Variants in LRP11 observed in about 807,000 individuals in gnomAD.
The protein encoded by LRP11 is low-density lipoprotein receptor-related protein 11.
A neutral mutation model predicts 43.1 loss-of-function variants in LRP11; 25 were observed. The observed-to-expected ratio is 0.58, with a 90% CI of 0.42 to 0.81. The LOEUF (loss-of-function observed/expected upper bound fraction) is 0.81, where lower values mean the gene tolerates loss of function less well. LRP11 is among the 30% of genes least tolerant of loss of function. LRP11 has a pLI of 0.00. For synonymous variants in LRP11, 316 were observed against 299.4 expected, an observed-to-expected ratio of 1.06 and a Z score of -0.57; for missense variants, 623 against 665.1, an observed-to-expected ratio of 0.94 and a Z score of 0.70.
chr6:149,846,660 G>A (rs990917109), intron 2 of LRP11, among the ~76,000 whole-genome samples: 7 of 152,258 alleles, frequency 4.6e-5, no homozygotes, highest in African/African-American at 1.7e-4. Context: ...CCAAGGGGCC[G>A]GGCACAGTGG....
At position 149,863,745 on chromosome 6, in the gene LRP11, CG is replaced by C. The variant is rs1562450395; in HGVS notation, c.275del (p.Pro92ArgfsTer138). On this transcript the variant is annotated frameshift_variant, in exon 1 of 7. Coordinates refer to ENST00000239367, the MANE Select transcript of LRP11 (RefSeq NM_032832.6). LOFTEE classifies it high-confidence loss of function. ...GGGPQEDCPG[P>X]GSGGYSAMPD... ...GCATTGCGCTGTAGCCGCCGCTGCC[CG>C]GGCCCGGGCAGTCCTCCTGGGGGCC... 2 of 1,477,804 alleles carry C rather than the reference CG, an allele frequency of 1.4e-6. No homozygotes were observed. The highest frequency in any genetic ancestry group is 2.3e-5 in the Admixed American group (1 of 43,028). 91.5% of individuals were successfully genotyped at this position (1,477,804 alleles called of 1,614,324 possible).
intron 6 of LRP11, among the ~76,000 whole-genome samples, chr6:149,824,075 A>T (rs1419105270): frequency 6.6e-6 from 1 of 152,208 alleles, no homozygotes; most frequent in African/African-American, 2.4e-5. Flanking sequence ...AGGACAAAAA[A>T]AGAGACTTTG....
rs1776468474 is a variant in LRP11 at position 149,836,155 on chromosome 6, T to C, written c.1182A>G (p.Leu394=). The C allele has an allele frequency of 1.2e-6, 2 of 1,614,060 alleles. No homozygotes were observed. The highest frequency in any genetic ancestry group is 1.7e-6 in the Non-Finnish European group (2 of 1,180,050). ...KATAPNKPPA[L]SNTEKRNHSA... ...AATGATTCCTCTTCTCTGTGTTTGA[T>C]AATGCAGGTGGCTTGTTTGGGGCAG... The change falls in exon 5 of 7, where the codon TTA becomes TTG. Residue 394 remains leucine (L), a synonymous_variant. Coordinates refer to ENST00000239367, the MANE Select transcript of LRP11 (RefSeq NM_032832.6).
rs1457934282 is a variant in LRP11, at chr6:149,826,316, T to C, written c.1296A>G (p.Ile432Met). 1 of 1,613,674 alleles carries C rather than the reference T, an allele frequency of 6.2e-7. No homozygotes were observed. The highest frequency in any genetic ancestry group is 8.5e-7 in the Non-Finnish European group (1 of 1,179,696). ...SGKNRKEESY[I>M]FESKGDGGGG... ...CTCCTCCATCACCCTTTGACTCAAA[T>C]ATATAACTTTCCTCTTTTCTGTTCT... is the stretch of plus-strand genomic sequence containing the variant. The change falls in exon 6 of 7, where the codon ATA (isoleucine) becomes ATG (methionine). Residue 432 changes from isoleucine to methionine, a missense_variant. Coordinates refer to ENST00000239367, the MANE Select transcript of LRP11 (RefSeq NM_032832.6).
rs1463413106 is a variant in LRP11, at chr6:149,863,989, G to A, written c.32C>T (p.Ser11Leu). The change falls in exon 1 of 7, where the codon TCG becomes TTG. Residue 11 changes from serine to leucine, a missense_variant. Transcript: ENST00000239367. MASVAQESAG[S>L]QRRLPPRHGA... ...GTGACGCGGCGGTAGCCGGCGCTGC[G>A]AGCCCGCGCTCTCCTGGGCGACGGA... The A allele has an allele frequency of 3.6e-6, 5 of 1,399,658 alleles. No individual in the cohort carries two copies. The highest frequency in any genetic ancestry group is 1.5e-5 in the South Asian group (1 of 64,664). 86.7% of individuals were successfully genotyped at this position (1,399,658 alleles called of 1,614,324 possible).
At position 149,842,679 on chromosome 6, in the gene LRP11, G is replaced by A. The variant is rs1277414128; in HGVS notation, c.913+304C>T. 6.4e-6 allele frequency: 10 copies of A among 1,550,978 alleles called. No homozygotes were observed. The Admixed American group carries it at 1.4e-4, about 21-fold the overall frequency. On this transcript the variant is annotated intron_variant, in intron 3 of 6. Transcript: ENST00000239367. Reference sequence around the variant, plus strand: ...GATGCAGCAAATGGACCATCCATCTGTAAACAAAGTCCTCTCCCAGAATAG... The same window carrying A: ...GATGCAGCAAATGGACCATCCATCTATAAACAAAGTCCTCTCCCAGAATAG...
intron 3 of LRP11, among the ~76,000 whole-genome samples, chr6:149,840,728 T>C (rs1776533717): frequency 6.6e-6 from 1 of 152,166 alleles, no homozygotes; most frequent in African/African-American, 2.4e-5. Context: ...CCTGTCCAGG[T>C]GAGTCCCGGT....
At chr6:149,828,312 TTTTTA>T (rs1163209356) in intron 5 of LRP11, among the ~76,000 whole-genome samples, 81 of 152,076 alleles carry the variant, frequency 5.3e-4, no homozygotes, top group Non-Finnish European at 1.5e-5. Flanking sequence ...CCATGCAGCT[TTTTTA>T]TTTTATTATA....
At chr6:149,821,827 C>T (rs777900046) in intron 6 of LRP11, among the ~76,000 whole-genome samples, 2 of 152,138 alleles carry the variant, frequency 1.3e-5, no homozygotes, top group Non-Finnish European at 2.9e-5. Context: ...ACCATTTGCT[C>T]TCATTTATTC....
intron 1 of LRP11, among the ~76,000 whole-genome samples, chr6:149,857,635 C>A (rs905405554): frequency 6.6e-6 from 1 of 152,134 alleles, no homozygotes; most frequent in Non-Finnish European, 1.5e-5. Flanking sequence ...GAAATTATGG[C>A]TTAGGCATCA....
chr6:149,856,856 G>A (rs1201305008), intron 1 of LRP11, among the ~76,000 whole-genome samples: 6 of 152,150 alleles, frequency 3.9e-5, no homozygotes, highest in Admixed American at 6.5e-5. Context: ...CAGAGCAACT[G>A]GAAAGAACCC....
chr6:149,842,149 CT>C, intron 3 of LRP11, among the ~76,000 whole-genome samples: 1 of 149,316 alleles, frequency 6.7e-6, no homozygotes, highest in East Asian at 2.1e-4. Flanking sequence ...TAGCTGCACT[CT>C]TTTTCTCTTT....
chr6:149,860,593 C>T (rs1364989869), intron 1 of LRP11, among the ~76,000 whole-genome samples: 1 of 152,124 alleles, frequency 6.6e-6, no homozygotes, highest in Non-Finnish European at 1.5e-5. Context: ...AAGCAGACAC[C>T]AAGTCCTGGG....
At position 149,853,060 on chromosome 6, in the gene LRP11, G is replaced by A. The variant is rs765459455; in HGVS notation, c.714C>T (p.His238=). 2.0e-5 allele frequency: 32 copies of A among 1,612,182 alleles called. No individual in the cohort carries two copies. The highest frequency in any genetic ancestry group is 1.6e-4 in the Middle Eastern group (1 of 6,074). Residue 238 remains histidine (H), a synonymous_variant, in exon 2 of 7, where the codon CAC becomes CAT. Transcript: ENST00000239367. The part of the protein sequence containing the change: ...VLDGRESTDD[H]AIVQYEWALL... ...GTGCCCACTCATACTGGACGATGGC[G>A]TGGTCATCTGTGCTCTCGCGGCCGT...
At chr6:149,829,466 C>G (rs1415302749) in intron 5 of LRP11, among the ~76,000 whole-genome samples, 3 of 152,008 alleles carry the variant, frequency 2.0e-5, no homozygotes, top group Non-Finnish European at 4.4e-5. Flanking sequence ...GAGGCTGAGG[C>G]AGGTGAATCG....
chr6:149,861,802 A>C (rs1776903688), intron 1 of LRP11, among the ~76,000 whole-genome samples: 1 of 152,128 alleles, frequency 6.6e-6, no homozygotes, highest in Non-Finnish European at 1.5e-5. Context: ...GTTAGTTATG[A>C]GCCACCGTGC....
chr6:149,838,412 G>A (rs1240026180), intron 3 of LRP11, among the ~76,000 whole-genome samples: 3 of 151,802 alleles, frequency 2.0e-5, no homozygotes, highest in African/African-American at 7.3e-5. Flanking sequence ...TTGGCCAGGC[G>A]TGGTGGCTCA....
At chr6:149,823,872 C>G (rs1433616975) in intron 6 of LRP11, among the ~76,000 whole-genome samples, 1 of 152,138 alleles carries the variant, frequency 6.6e-6, no homozygotes, top group Non-Finnish European at 1.5e-5. Flanking sequence ...CTACGGCTGT[C>G]TCATTCCATA....
At chr6:149,831,744 C>T (rs1231645041) in intron 5 of LRP11, among the ~76,000 whole-genome samples, 2 of 152,226 alleles carry the variant, frequency 1.3e-5, no homozygotes, top group Non-Finnish European at 2.9e-5. Flanking sequence ...TTACAGCTCA[C>T]TGCAGCCTCG....
Sources: gnomAD v4.1 joint callset for allele counts (sites outside exome capture counted in the v4.1 genomes callset) on GRCh38, gnomAD v4.1.1 for gene constraint, MANE v1.5 for transcripts, NCBI Gene and HGNC (gene_info 2026-07-23, HGNC 2026-07-21) for gene names.